PDE10A: variants seen among roughly 807,000 people sequenced by gnomAD.
The protein encoded by PDE10A is phosphodiesterase 10A.
PDE10A carries 39 observed loss-of-function variants against 97.7 expected under a neutral mutation model. That is an observed-to-expected ratio of 0.40 (90% CI 0.31 to 0.52). The LOEUF (loss-of-function observed/expected upper bound fraction) is 0.52. Ranked by LOEUF, PDE10A falls within the 20% of genes least tolerant of loss-of-function variation. PDE10A has a pLI of 0.56. For missense variants in PDE10A, 731 were observed against 1,047.8 expected (o/e 0.70, Z 4.17); for synonymous variants, 371 against 376.8 (o/e 0.98, Z 0.18).
chr6:165,807,608 A>G (rs1173459795), intron 1 of PDE10A, among the ~76,000 whole-genome samples: 1 of 152,158 alleles, frequency 6.6e-6, no homozygotes, highest in East Asian at 1.9e-4. Flanking sequence ...GAAAGAAGAA[A>G]AGGACAAGTT....
In PDE10A at chr6:165,632,469, C is replaced by T. The variant is rs182845223; in HGVS notation, c.865+29478G>A. ...AGTTTCTTTAGGCTGTAATCTCTAC[C>T]AACATCTTAGACTTCAGGGAATCAT... On this transcript the variant is annotated intron_variant, in intron 1 of 21. Coordinates refer to ENST00000539869, the MANE Select transcript of PDE10A (RefSeq NM_001385079.1). Among the ~76,000 whole-genome samples the T allele has an allele frequency of 5.6e-3, 848 of 152,212 alleles. 9 individuals carry two copies. The highest frequency in any genetic ancestry group is 5.3e-3 in the Non-Finnish European group (363 of 68,022).
chr6:165,610,592 G>A (rs1007214614), intron 1 of PDE10A, among the ~76,000 whole-genome samples: 1 of 151,716 alleles, frequency 6.6e-6, no homozygotes, highest in East Asian at 1.9e-4. Context: ...AAATGGCACT[G>A]GGAAAACTGG....
chr6:165,558,559 T>C (rs1174244219), intron 1 of PDE10A, among the ~76,000 whole-genome samples: 1 of 152,194 alleles, frequency 6.6e-6, no homozygotes, highest in Non-Finnish European at 1.5e-5. Context: ...GCTGTCATAT[T>C]TTTTCTTTCT....
intron 1 of PDE10A, among the ~76,000 whole-genome samples, chr6:165,746,147 T>G (rs1792838100): frequency 6.6e-6 from 1 of 152,218 alleles, no homozygotes; most frequent in South Asian, 2.1e-4. Context: ...CAAACACAGC[T>G]GTGTCCTTGA....
At chr6:165,629,521 C>CTTT (rs35760840) in intron 1 of PDE10A, among the ~76,000 whole-genome samples, 12 of 131,674 alleles carry the variant, frequency 9.1e-5, no homozygotes, top group African/African-American at 3.5e-4. Context: ...TATTAACAAC[C>CTTT]TTTTTTTTTT....
At position 165,821,821 on chromosome 6, in the gene PDE10A, G is replaced by A. The variant is rs566405248; in HGVS notation, c.-615+165708C>T. ...GCCTCCCAAAGTGCTGGGATTACAG[G>A]TATGAGCCACCATGCTCGGCATTGT... On this transcript the variant is annotated intron_variant, in intron 1 of 19. Coordinates refer to the PDE10A transcript ENST00000366882. Among the ~76,000 whole-genome samples the A allele has an allele frequency of 1.5e-4, 23 of 152,334 alleles. No homozygotes were observed. In the South Asian group the frequency reaches 4.4e-3, roughly 29 times the overall value.
rs116135208 is a variant in PDE10A, at chr6:165,535,012, T to C, written c.994+8428A>G. Reference sequence around the variant, plus strand: ...GGAAGAAGTCAAGCTGTCCTGGTTTTCAGATGACACGATCTTGTATTTCAA... The same window carrying C: ...GGAAGAAGTCAAGCTGTCCTGGTTTCCAGATGACACGATCTTGTATTTCAA... On this transcript the variant is annotated intron_variant, in intron 2 of 21. Coordinates refer to ENST00000539869, the MANE Select transcript of PDE10A (RefSeq NM_001385079.1). Among the ~76,000 whole-genome samples the C allele has an allele frequency of 7.0e-3, 1,065 of 152,070 alleles. 15 individuals are homozygous for C. Among genetic ancestry groups the C allele is most frequent in the African/African-American group, 0.024 (1,004 of 41,542 alleles).
chr6:165,523,337 G>A (rs990503120), intron 2 of PDE10A, among the ~76,000 whole-genome samples: 4 of 152,046 alleles, frequency 2.6e-5, no homozygotes, highest in African/African-American at 9.7e-5. Flanking sequence ...AAAGAACATG[G>A]CTGGAGGCAT....
intron 3 of PDE10A, among the ~76,000 whole-genome samples, chr6:165,455,992 T>C (rs529797195): frequency 1.3e-5 from 2 of 152,344 alleles, no homozygotes; most frequent in East Asian, 3.9e-4. Context: ...CTCTAAAATA[T>C]GACAGCATTG....
chr6:165,515,106 A>C (rs57629481), intron 2 of PDE10A, among the ~76,000 whole-genome samples: 27,631 of 152,120 alleles, frequency 0.18, 3,433 homozygotes, highest in African/African-American at 0.36. Flanking sequence ...GAATAACACT[A>C]AGATGTTATC....
At chr6:165,880,830 G>A (rs1469079819) in intron 1 of PDE10A, among the ~76,000 whole-genome samples, 1 of 151,984 alleles carries the variant, frequency 6.6e-6, no homozygotes, top group East Asian at 1.9e-4. Context: ...CAAACCTTCT[G>A]GGCTCAGGAA....
At chr6:165,678,557 C>T (rs181657667) in intron 1 of PDE10A, among the ~76,000 whole-genome samples, 244 of 152,098 alleles carry the variant, frequency 1.6e-3, no homozygotes, top group African/African-American at 5.3e-3. Context: ...TTGTTAACCC[C>T]GCTCCCTGCT....
intron 1 of PDE10A, among the ~76,000 whole-genome samples, chr6:165,817,189 C>T (rs912709643): frequency 7.2e-5 from 11 of 152,084 alleles, no homozygotes; most frequent in African/African-American, 2.7e-4. Flanking sequence ...TCCCAGCAGG[C>T]CAGAGCCCTT....
At chr6:165,536,883 A>G (rs1583490804) in intron 2 of PDE10A, among the ~76,000 whole-genome samples, 1 of 152,106 alleles carries the variant, frequency 6.6e-6, no homozygotes, top group East Asian at 1.9e-4. Flanking sequence ...GGAAAACAGT[A>G]TGGAGGCTCC....
intron 1 of PDE10A, among the ~76,000 whole-genome samples, chr6:165,731,847 G>T (rs1792445016): frequency 6.6e-6 from 1 of 152,204 alleles, no homozygotes; most frequent in African/African-American, 2.4e-5. Flanking sequence ...AAGAATCCAG[G>T]TAAGAAGCAG....
At position 165,690,464 on chromosome 6, in the gene PDE10A, T is replaced by C. The variant is rs540478241; in HGVS notation, c.-614-146896A>G. ...TGCCTTCAGCCTGGCTCTCCTCCAG[T>C]TCCTTTTCCTTTATAAAGCAGACTG... is the stretch of plus-strand genomic sequence containing the variant. On this transcript the variant is annotated intron_variant, in intron 1 of 19. Transcript: ENST00000366882. Among the ~76,000 whole-genome samples, 3 of 152,312 alleles carry C rather than the reference T, an allele frequency of 2.0e-5. No homozygotes were observed. The East Asian group carries it at 5.8e-4, about 29-fold the overall frequency.
intron 1 of PDE10A, among the ~76,000 whole-genome samples, chr6:165,892,971 C>T (rs1253810247): frequency 6.6e-6 from 1 of 152,202 alleles, no homozygotes; most frequent in South Asian, 2.1e-4. Flanking sequence ...ACGACCTCCT[C>T]TTCTCGTTGT....
At chr6:165,614,353 C>A (rs1787629555) in intron 1 of PDE10A, among the ~76,000 whole-genome samples, 1 of 152,090 alleles carries the variant, frequency 6.6e-6, no homozygotes, top group Non-Finnish European at 1.5e-5. Context: ...AAATCTGACC[C>A]CTAAGTCACC....
chr6:165,464,682 C>A (rs1476748520), intron 3 of PDE10A, among the ~76,000 whole-genome samples: 1 of 152,166 alleles, frequency 6.6e-6, no homozygotes, highest in East Asian at 1.9e-4. Flanking sequence ...CTCAAAACAG[C>A]CACTCTTTTT....
Sources: allele counts gnomAD v4.1 joint callset (sites outside exome capture counted in the v4.1 genomes callset), GRCh38; gene constraint gnomAD v4.1.1; transcripts MANE v1.5; gene names NCBI Gene and HGNC (gene_info 2026-07-23, HGNC 2026-07-21).